TAFA1: variants seen among roughly 807,000 people sequenced by gnomAD.
TAFA1 encodes chemokine-like protein TAFA-1.
TAFA1 carries 4 observed loss-of-function variants against 18.5 expected under a neutral mutation model. The ratio of observed to expected loss-of-function variants is 0.22; its 90% confidence interval spans 0.11 to 0.49. TAFA1 has a LOEUF of 0.49. TAFA1 is among the 20% of genes least tolerant of loss of function. The pLI, the probability that TAFA1 is intolerant of heterozygous loss-of-function variation, is 0.98. For missense variants in TAFA1, 147 were observed against 169.0 expected, an observed-to-expected ratio of 0.87 and a Z score of 0.72; for synonymous variants, 56 against 55.2, an observed-to-expected ratio of 1.01 and a Z score of -0.06.
chr3:68,385,419 C>T (rs916720256), intron 2 of TAFA1, among the ~76,000 whole-genome samples: 6 of 152,118 alleles, frequency 3.9e-5, no homozygotes, highest in Non-Finnish European at 8.8e-5. Context: ...GAAAACAAGA[C>T]TTCAAAACCT....
At chr3:68,384,794 G>C (rs1170378923) in intron 2 of TAFA1, among the ~76,000 whole-genome samples, 2 of 151,860 alleles carry the variant, frequency 1.3e-5, no homozygotes, top group African/African-American at 4.8e-5. Flanking sequence ...TATTGTGTGG[G>C]AGTCTAAGTC....
At chr3:68,067,475 G>A (rs2064694699) in intron 2 of TAFA1, among the ~76,000 whole-genome samples, 1 of 152,184 alleles carries the variant, frequency 6.6e-6, no homozygotes, top group African/African-American at 2.4e-5. Flanking sequence ...TGAGAGTGAG[G>A]AATGTGGTTA....
At chr3:68,539,015 G>T in intron 4 of TAFA1, 135 bp downstream of exon 4, 2 of 862,224 alleles carry the variant, frequency 2.3e-6, no homozygotes, top group Admixed American at 2.7e-5. Flanking sequence ...TCTGAACTAT[G>T]CAGATCAGTG....
chr3:68,482,776 C>G (rs544974783), intron 3 of TAFA1, among the ~76,000 whole-genome samples: 14 of 152,110 alleles, frequency 9.2e-5, no homozygotes, highest in Non-Finnish European at 2.1e-4. Context: ...TCAGGCCTTT[C>G]GGAGCTCCTG....
intron 3 of TAFA1, among the ~76,000 whole-genome samples, chr3:68,446,045 A>G (rs1302218964): frequency 6.6e-6 from 1 of 151,996 alleles, no homozygotes; most frequent in Non-Finnish European, 1.5e-5. Flanking sequence ...GGGACCACAG[A>G]CACATACCAC....
At chr3:68,002,159 T>C (rs1452017896), upstream of TAFA1, among the ~76,000 whole-genome samples, 2 of 152,204 alleles carry the variant, frequency 1.3e-5, no homozygotes, top group Non-Finnish European at 2.9e-5. Context: ...CAAAGATCAA[T>C]ATATGTTGAT....
intron 3 of TAFA1, among the ~76,000 whole-genome samples, chr3:68,484,105 G>C (rs552252491): frequency 6.6e-6 from 1 of 152,146 alleles, no homozygotes; most frequent in East Asian, 1.9e-4. Flanking sequence ...TACTCCAAAT[G>C]CATCCAAATT....
chr3:68,070,346 C>G (rs1007744283), intron 2 of TAFA1, among the ~76,000 whole-genome samples: 1 of 152,196 alleles, frequency 6.6e-6, no homozygotes, highest in Non-Finnish European at 1.5e-5. Flanking sequence ...TACCTTGGCC[C>G]ATTTTAGCTG....
intron 2 of TAFA1, among the ~76,000 whole-genome samples, chr3:68,081,930 T>G (rs1435143168): frequency 6.6e-6 from 1 of 152,206 alleles, no homozygotes; most frequent in Non-Finnish European, 1.5e-5. Flanking sequence ...CACCTTGTAG[T>G]TTGATCTCAG....
At chr3:68,043,311 T>C (rs1705205212) in intron 2 of TAFA1, among the ~76,000 whole-genome samples, 1 of 152,216 alleles carries the variant, frequency 6.6e-6, no homozygotes, top group Non-Finnish European at 1.5e-5. Flanking sequence ...AAAGTGGTGA[T>C]ACTGGAAGGA....
chr3:68,021,939 C>T (rs1311842022), intron 2 of TAFA1, among the ~76,000 whole-genome samples: 1 of 152,144 alleles, frequency 6.6e-6, no homozygotes, highest in African/African-American at 2.4e-5. Context: ...GTGCTTTGAT[C>T]AAACTTTATT....
intron 2 of TAFA1, among the ~76,000 whole-genome samples, chr3:68,283,326 T>C (rs564577055): frequency 6.6e-5 from 10 of 152,338 alleles, no homozygotes; most frequent in Non-Finnish European, 4.4e-5. Flanking sequence ...ATAGTCTAAC[T>C]AGCTGTTTCT....
chr3:68,070,693 A>G (rs2064742980), intron 2 of TAFA1, among the ~76,000 whole-genome samples: 1 of 152,222 alleles, frequency 6.6e-6, no homozygotes, highest in Admixed American at 6.5e-5. Flanking sequence ...TGCCTTTAAC[A>G]GCACCCAAGT....
chr3:68,388,673 G>T (rs1012641362), intron 2 of TAFA1, among the ~76,000 whole-genome samples: 1 of 151,934 alleles, frequency 6.6e-6, no homozygotes, highest in Non-Finnish European at 1.5e-5. Context: ...TACGCTTTCG[G>T]CCTATATTCC....
At chr3:68,242,178 G>C (rs2067008665) in intron 2 of TAFA1, among the ~76,000 whole-genome samples, 2 of 152,062 alleles carry the variant, frequency 1.3e-5, no homozygotes. Flanking sequence ...GAGATCCTCT[G>C]CAAAGGTTTA....
At chr3:68,410,676 A>C (rs2070697043) in intron 2 of TAFA1, among the ~76,000 whole-genome samples, 1 of 142,164 alleles carries the variant, frequency 7.0e-6, no homozygotes, top group African/African-American at 2.6e-5. Flanking sequence ...TCCTGGGTGA[A>C]ATCCAAAAAA....
intron 2 of TAFA1, among the ~76,000 whole-genome samples, chr3:68,201,561 G>A (rs1043717536): frequency 6.6e-6 from 1 of 151,690 alleles, no homozygotes; most frequent in Non-Finnish European, 1.5e-5. Flanking sequence ...TTGATGCTCT[G>A]TTATTAGGCA....
At chr3:68,421,260 C>A (rs1455856983) in intron 3 of TAFA1, among the ~76,000 whole-genome samples, 1 of 152,148 alleles carries the variant, frequency 6.6e-6, no homozygotes, top group African/African-American at 2.4e-5. Flanking sequence ...AAAGGGCTAT[C>A]CTTTCTGCAT....
At chr3:67,997,214 G>A in the TAFA1 span, among the ~76,000 whole-genome samples, 1 of 152,274 alleles carries the variant, frequency 6.6e-6, no homozygotes, top group South Asian at 2.1e-4. Context: ...ACAATTCTGA[G>A]CAAAATCTTA....
Sources: gnomAD v4.1 joint callset for allele counts (sites outside exome capture counted in the v4.1 genomes callset) on GRCh38, gnomAD v4.1.1 for gene constraint, MANE v1.5 for transcripts, NCBI Gene and HGNC (gene_info 2026-07-23, HGNC 2026-07-21) for gene names.